The following CHD7 variants were observed in gnomAD, a reference collection of about 807,000 sequenced individuals.
The protein encoded by CHD7 is ATP-dependent chromatin remodeler CHD7.
A neutral mutation model predicts 307.3 loss-of-function variants in CHD7; 24 were observed. That is an observed-to-expected ratio of 0.08 (90% CI 0.06 to 0.11). CHD7 has a LOEUF of 0.11. Ranked by LOEUF, CHD7 falls within the 10% of genes least tolerant of loss-of-function variation. CHD7 has a pLI of 1.00. For synonymous variants in CHD7, 1,363 were observed against 1,349.9 expected, an observed-to-expected ratio of 1.01 and a Z score of -0.21; for missense variants, 3,106 against 3,727.1, an observed-to-expected ratio of 0.83 and a Z score of 4.34.
intron 2 of CHD7, among the ~76,000 whole-genome samples, chr8:60,746,420 T>G (rs1809331080): frequency 6.6e-6 from 1 of 152,258 alleles, no homozygotes; most frequent in Admixed American, 6.5e-5. Flanking sequence ...CTCTGAATGA[T>G]TGACATTCTA....
chr8:60,792,078 T>C (rs1252536278), intron 3 of CHD7, among the ~76,000 whole-genome samples: 1 of 152,206 alleles, frequency 6.6e-6, no homozygotes, highest in Non-Finnish European at 1.5e-5. Context: ...ATATTAACGT[T>C]ATTTTACAGA....
chr8:60,749,434 C>T (rs1586263838), intron 2 of CHD7, among the ~76,000 whole-genome samples: 1 of 136,590 alleles, frequency 7.3e-6, no homozygotes, highest in Non-Finnish European at 1.6e-5. Flanking sequence ...TAATTGGCAA[C>T]TAAGTAAATT....
intron 6 of CHD7, among the ~76,000 whole-genome samples, chr8:60,803,228 A>G (rs1018905102): frequency 2.0e-5 from 3 of 152,200 alleles, no homozygotes; most frequent in Non-Finnish European, 4.4e-5. Flanking sequence ...GTTTGAGTAA[A>G]TAGCATGTCG....
At chr8:60,682,753 C>T (rs984429823) in intron 1 of CHD7, among the ~76,000 whole-genome samples, 1 of 152,200 alleles carries the variant, frequency 6.6e-6, no homozygotes, top group Non-Finnish European at 1.5e-5. Flanking sequence ...TATCTTTCAT[C>T]TTTCATTAAC....
intron 1 of CHD7, among the ~76,000 whole-genome samples, chr8:60,733,915 A>AT (rs955232585): frequency 1.3e-5 from 2 of 152,168 alleles, no homozygotes; most frequent in Non-Finnish European, 2.9e-5. Flanking sequence ...TGTTAACTGC[A>AT]TTTTTTTGAC....
intron 1 of CHD7, among the ~76,000 whole-genome samples, chr8:60,720,694 TC>T (rs1416285211): frequency 6.6e-6 from 1 of 152,226 alleles, no homozygotes; most frequent in Non-Finnish European, 1.5e-5. Context: ...GAAAGCAGTC[TC>T]AGGGATTATT....
At chr8:60,765,333 T>TAC (rs551735552) in intron 2 of CHD7, among the ~76,000 whole-genome samples, 2,571 of 151,492 alleles carry the variant, frequency 0.017, 45 homozygotes, top group Non-Finnish European at 0.024. Context: ...TATACATGCA[T>TAC]ACACACACAC....
chr8:60,802,121 C>T (rs1287709330), intron 6 of CHD7, among the ~76,000 whole-genome samples: 1 of 152,166 alleles, frequency 6.6e-6, no homozygotes, highest in Non-Finnish European at 1.5e-5. Flanking sequence ...ATAGTTTTGA[C>T]TTAATACTTC....
chr8:60,810,788 A>G (rs949175457), intron 7 of CHD7, among the ~76,000 whole-genome samples: 8 of 152,174 alleles, frequency 5.3e-5, no homozygotes, highest in African/African-American at 1.9e-4. Context: ...CTACCCCACC[A>G]GTGTGGTTTG....
At chr8:60,819,109 A>G (rs915303773) in intron 8 of CHD7, among the ~76,000 whole-genome samples, 1 of 152,076 alleles carries the variant, frequency 6.6e-6, no homozygotes. Flanking sequence ...ACCTGCCATC[A>G]TGCCCAGCTT....
intron 1 of CHD7, among the ~76,000 whole-genome samples, chr8:60,683,033 G>A (rs1397514000): frequency 6.6e-6 from 1 of 152,212 alleles, no homozygotes. Flanking sequence ...TATTGGCTCT[G>A]TGGGACCCTT....
At chr8:60,763,338 TTTGGA>T (rs1388256507) in intron 2 of CHD7, among the ~76,000 whole-genome samples, 4 of 152,146 alleles carry the variant, frequency 2.6e-5, no homozygotes, top group South Asian at 2.1e-4. Flanking sequence ...CACATCTCAG[TTTGGA>T]TTGGCCACAT....
chr8:60,684,534 G>A (rs889331326), intron 1 of CHD7, among the ~76,000 whole-genome samples: 3 of 151,866 alleles, frequency 2.0e-5, no homozygotes, highest in African/African-American at 7.2e-5. Flanking sequence ...TGGGGATTCC[G>A]TCAGTTGGGT....
intron 2 of CHD7, among the ~76,000 whole-genome samples, chr8:60,753,126 A>G (rs1233571703): frequency 6.6e-6 from 1 of 152,242 alleles, no homozygotes; most frequent in Non-Finnish European, 1.5e-5. Flanking sequence ...ATTAAAGGAG[A>G]TAAGTCAGAG....
In CHD7 at chr8:60,852,610, C is replaced by T. The variant is rs765321307; in HGVS notation, c.6007C>T (p.Leu2003Phe). ...DWNQFRAFAR[L>F]DKKSDESLEK... is the part of the protein sequence containing the mutation. The stretch of plus-strand genomic sequence containing the variant: ...GAACCAATTTAGAGCCTTTGCCAGG[C>T]TTGACAAAAAATCTGATGAGAGTTT... Residue 2003 changes from leucine to phenylalanine, a missense_variant, in exon 30 of 38, where the codon CTT (leucine) becomes TTT (phenylalanine). Around this residue, in one of 10 missense-constraint regions of CHD7, gnomAD observed 1,030 missense variants for 1,165.4 expected, o/e 0.88. Transcript: ENST00000423902. 1 of 1,613,870 alleles carries T rather than the reference C, an allele frequency of 6.2e-7. No individual in the cohort carries two copies. Among genetic ancestry groups the T allele is most frequent in the Non-Finnish European group, 8.5e-7 (1 of 1,179,858 alleles).
At chr8:60,829,930 A>G (rs1378841404) in intron 14 of CHD7, among the ~76,000 whole-genome samples, 1 of 152,190 alleles carries the variant, frequency 6.6e-6, no homozygotes, top group Non-Finnish European at 1.5e-5. Context: ...ACTTCCTCTC[A>G]TTCTTTAGCT....
At chr8:60,838,324 G>A (rs981182726) in intron 19 of CHD7, 69 bp downstream of exon 19, 23 of 1,389,840 alleles carry the variant, frequency 1.7e-5, no homozygotes, top group Non-Finnish European at 2.2e-5. Flanking sequence ...AAAGTACCTT[G>A]TAAAAGTGCT....
rs1805500715 is a variant in CHD7 at position 60,852,529 on chromosome 8, C to T, written c.5926C>T (p.Arg1976Cys). 6 of 1,613,778 alleles carry T rather than the reference C, an allele frequency of 3.7e-6. No homozygotes were observed. Among genetic ancestry groups the T allele is most frequent in the Non-Finnish European group, 5.1e-6 (6 of 1,179,786 alleles). The change falls in exon 30 of 38, where the codon CGT becomes TGT. Residue 1976 changes from arginine (R) to cysteine (C), a missense_variant. Transcript: ENST00000423902. The part of the protein sequence containing the change: ...WTRREEADFY[R>C]VVSTFGVIFD... Reference sequence around the variant, plus strand: ...AAGAAGAGAAGAGGCTGATTTTTACCGTGTGGTATCCACCTTTGGGGTTAT... The same window carrying T: ...AAGAAGAGAAGAGGCTGATTTTTACTGTGTGGTATCCACCTTTGGGGTTAT...
At chr8:60,772,640 C>T (rs1294770644) in intron 2 of CHD7, among the ~76,000 whole-genome samples, 1 of 152,084 alleles carries the variant, frequency 6.6e-6, no homozygotes, top group Admixed American at 6.5e-5. Flanking sequence ...TGAAACAAGA[C>T]AGATGCCTTG....
Sources: gnomAD v4.1 joint callset for allele counts (sites outside exome capture counted in the v4.1 genomes callset) on GRCh38, gnomAD v4.1.1 for gene constraint, gnomAD v4.1.1 regional missense constraint, MANE v1.5 for transcripts, NCBI Gene and HGNC (gene_info 2026-07-23, HGNC 2026-07-21) for gene names.